CIDEA: variants seen among roughly 807,000 people sequenced by gnomAD.
CIDEA encodes the protein cell death inducing DFFA like effector a.
A neutral mutation model predicts 18.2 loss-of-function variants in CIDEA; 10 were observed. The observed-to-expected ratio is 0.55, with a 90% CI of 0.34 to 0.93. CIDEA has a LOEUF of 0.93. Among genes scored for constraint, CIDEA ranks in the 40% least tolerant of loss-of-function variants. The probability of loss-of-function intolerance (pLI) is 0.02; values close to 1 mark genes in which losing one functional copy is unlikely to be tolerated. For synonymous variants in CIDEA, 128 were observed against 124.8 expected, an observed-to-expected ratio of 1.03 and a Z score of -0.17; for missense variants, 309 against 293.1, an observed-to-expected ratio of 1.05 and a Z score of -0.40.
chr18:12,277,430 C>G lies in CIDEA; in HGVS notation c.*160C>G. 1 of 789,290 alleles carries G rather than the reference C, an allele frequency of 1.3e-6. No homozygotes were observed. Among genetic ancestry groups the G allele is most frequent in the Non-Finnish European group, 1.9e-6 (1 of 523,582 alleles). The allele number at this position is 789,290 out of a possible 1,614,324, so 48.9% of individuals were successfully genotyped here. ...CAGAAAAGGAAAGGGCTTGGTGGTA[C>G]ATGAAGTGGGGGCAGTGGGCAGGGT... On this transcript the variant is annotated 3_prime_UTR_variant, in exon 5 of 5. Transcript: ENST00000320477.
At chr18:12,272,139 A>AGG (rs1475697899) in intron 3 of CIDEA, among the ~76,000 whole-genome samples, 1 of 8,486 alleles carries the variant, frequency 1.2e-4, no homozygotes, top group Admixed American at 2.2e-3. Flanking sequence ...CTCAGCTTTG[A>AGG]GTGTGTGTGT....
chr18:12,273,611 C>T (rs1003940211), intron 3 of CIDEA, among the ~76,000 whole-genome samples: 1 of 152,162 alleles, frequency 6.6e-6, no homozygotes, highest in Admixed American at 6.5e-5. Flanking sequence ...TGGGAAGGTG[C>T]CCACTCTGCC....
chr18:12,255,758 G>A (rs1296495422), intron 1 of CIDEA, among the ~76,000 whole-genome samples: 2 of 152,220 alleles, frequency 1.3e-5, no homozygotes, highest in African/African-American at 4.8e-5. Context: ...CAGGATTCAG[G>A]CTGAGCCTGT....
At chr18:12,262,338 T>G (rs1343154583) in intron 1 of CIDEA, among the ~76,000 whole-genome samples, 1 of 152,282 alleles carries the variant, frequency 6.6e-6, no homozygotes, top group Non-Finnish European at 1.5e-5. Context: ...TTTCAGAAAC[T>G]TCATTGATTG....
intron 1 of CIDEA, among the ~76,000 whole-genome samples, chr18:12,260,274 C>T (rs1489550126): frequency 2.6e-5 from 4 of 152,080 alleles, no homozygotes; most frequent in Non-Finnish European, 5.9e-5. Flanking sequence ...ATCTAGGGCT[C>T]GAGCAATCCC....
intron 4 of CIDEA, 54 bp from the exon 5 acceptor site, chr18:12,277,065 CTGTT>C: frequency 5.0e-6 from 8 of 1,597,908 alleles, no homozygotes; most frequent in Non-Finnish European, 6.8e-6. Flanking sequence ...CCCATCCTGT[CTGTT>C]TCTCACTGGC....
chr18:12,255,750 G>A (rs1176620882), intron 1 of CIDEA, among the ~76,000 whole-genome samples: 1 of 152,216 alleles, frequency 6.6e-6, no homozygotes, highest in Non-Finnish European at 1.5e-5. Context: ...CCTCTGAGCA[G>A]GATTCAGGCT....
intron 1 of CIDEA, among the ~76,000 whole-genome samples, chr18:12,255,489 G>A (rs550403142): frequency 3.9e-5 from 6 of 152,292 alleles, no homozygotes; most frequent in African/African-American, 1.4e-4. Flanking sequence ...GGCGGTGGCA[G>A]GGGGACGCTG....
At chr18:12,269,997 C>T (rs1244312147) in intron 3 of CIDEA, among the ~76,000 whole-genome samples, 4 of 152,194 alleles carry the variant, frequency 2.6e-5, no homozygotes, top group African/African-American at 9.7e-5. Flanking sequence ...CGTGCTTGGC[C>T]TAGTTTTGAC....
intron 4 of CIDEA, among the ~76,000 whole-genome samples, chr18:12,274,628 A>G (rs7229187): frequency 0.97 from 148,023 of 152,314 alleles, 72,083 homozygotes; most frequent in Middle Eastern, 1. Context: ...TTTGTACAGA[A>G]CGGTCACCTA....
At position 12,264,322 on chromosome 18, in the gene CIDEA, G is replaced by A. The variant is rs758298543; in HGVS notation, c.199G>A (p.Val67Ile). 1.2e-4 allele frequency: 191 copies of A among 1,607,398 alleles called. No individual in the cohort carries two copies. The Admixed American group carries it at 2.6e-3, about 22-fold the overall frequency. ...GCACACCTAGACTCTGGATGCCCTC[G>A]TCATCGCTACCGGACTGGTCACTCT... ...ELISKTLDAL[V>I]IATGLVTLVL... is the part of the protein sequence containing the mutation. Residue 67 changes from valine to isoleucine, a missense_variant, in exon 3 of 5, where the codon GTC becomes ATC. Coordinates refer to ENST00000320477, the MANE Select transcript of CIDEA (RefSeq NM_001279.4).
chr18:12,277,551 G>A lies in CIDEA; in HGVS notation c.*281G>A, dbSNP rs1905389479. ...CGTGTGCATGTGTCAGAGCCATTTG[G>A]TCCATCATCTCCTGCAATAAACCCA... is the stretch of plus-strand genomic sequence containing the variant. On this transcript the variant is annotated 3_prime_UTR_variant, in exon 5 of 5. Transcript: ENST00000320477. The A allele has an allele frequency of 2.8e-6, 1 of 360,354 alleles. No homozygotes were observed. Among genetic ancestry groups the A allele is most frequent in the Non-Finnish European group, 5.1e-6 (1 of 196,664 alleles). 22.3% of individuals were successfully genotyped at this position (360,354 alleles called of 1,614,324 possible).
In CIDEA at chr18:12,274,077, C is replaced by T; in HGVS notation, c.331-16C>T. 1 of 1,613,282 alleles carries T rather than the reference C, an allele frequency of 6.2e-7. No homozygotes were observed. Among genetic ancestry groups the T allele is most frequent in the Non-Finnish European group, 8.5e-7 (1 of 1,179,496 alleles). On this transcript the variant is annotated splice_polypyrimidine_tract_variant and intron_variant, in intron 3 of 4. Transcript: ENST00000320477. ...AGGAAGGCTCCTGAAGCCTGCCCCT[C>T]CCCCCATTGTCACAGGGCAGCCAGC...
intron 1 of CIDEA, among the ~76,000 whole-genome samples, chr18:12,259,460 T>C (rs1912129178): frequency 1.3e-5 from 2 of 152,246 alleles, no homozygotes; most frequent in Admixed American, 6.5e-5. Context: ...TCTTTTTCCC[T>C]TATTGACTGG....
chr18:12,258,046 A>G (rs113671602), intron 1 of CIDEA, among the ~76,000 whole-genome samples: 3,550 of 152,224 alleles, frequency 0.023, 146 homozygotes, highest in African/African-American at 0.081. Context: ...AATTTGACCC[A>G]GAAATCACTC....
chr18:12,263,221 C>T (rs1484451910), intron 2 of CIDEA, among the ~76,000 whole-genome samples: 1 of 152,196 alleles, frequency 6.6e-6, no homozygotes. Context: ...TTAAGTGATC[C>T]TCCCACCTCA....
intron 3 of CIDEA, among the ~76,000 whole-genome samples, chr18:12,267,041 G>A (rs1482254556): frequency 6.6e-6 from 1 of 152,150 alleles, no homozygotes; most frequent in Non-Finnish European, 1.5e-5. Context: ...TTACAGGTGT[G>A]AGCCACCGCA....
chr18:12,254,704 C>G lies in CIDEA; in HGVS notation c.38+283C>G, dbSNP rs150635539. The G allele has an allele frequency of 4.0e-6, 6 of 1,494,722 alleles. No individual in the cohort carries two copies. The African/African-American group carries it at 8.3e-5, about 21-fold the overall frequency. The allele number at this position is 1,494,722 out of a possible 1,614,324, so 92.6% of individuals were successfully genotyped here. On this transcript the variant is annotated intron_variant, in intron 1 of 4. Coordinates refer to ENST00000320477, the MANE Select transcript of CIDEA (RefSeq NM_001279.4). ...GTGTGGCTCTTGCGAGGTGCGCGGG[C>G]GTCTGCAAACCAGGTGACAGCTGGC...
chr18:12,272,978 G>A (rs1912593725), intron 3 of CIDEA, among the ~76,000 whole-genome samples: 2 of 152,292 alleles, frequency 1.3e-5, no homozygotes, highest in South Asian at 4.1e-4. Flanking sequence ...TTTGTACCTT[G>A]GGGCAGCTTT....
Sources: allele counts gnomAD v4.1 joint callset (sites outside exome capture counted in the v4.1 genomes callset), GRCh38; gene constraint gnomAD v4.1.1; transcripts MANE v1.5; gene names NCBI Gene and HGNC (gene_info 2026-07-23, HGNC 2026-07-21).